The following ANO6 variants were observed in gnomAD, a reference collection of about 807,000 sequenced individuals.
ANO6 encodes the protein anoctamin 6.
ANO6 carries 106 observed loss-of-function variants against 117.5 expected under a neutral mutation model. The observed-to-expected ratio is 0.90, with a 90% CI of 0.77 to 1.06. The LOEUF is 1.06. ANO6 is among the 50% of genes least tolerant of loss of function. ANO6 has a pLI of 0.00. For missense variants in ANO6, 955 were observed against 1,121.1 expected, an observed-to-expected ratio of 0.85 and a Z score of 2.12; for synonymous variants, 367 against 385.1, an observed-to-expected ratio of 0.95 and a Z score of 0.55.
In ANO6 at chr12:45,311,618, A is replaced by G. The variant is rs139061323; in HGVS notation, c.150+9525A>G. ...GGTGGATGGCATTGCAAAATGTAGCATTAAGACCCATGAATAGAAGGTATA... is the reference window on the plus strand; with the variant it reads ...GGTGGATGGCATTGCAAAATGTAGCGTTAAGACCCATGAATAGAAGGTATA... On this transcript the variant is annotated intron_variant, in intron 2 of 19. Transcript: ENST00000320560. 2.4e-3 allele frequency among the ~76,000 whole-genome samples: 369 copies of G among 152,226 alleles called. 1 individual carries two copies. Among genetic ancestry groups the G allele is most frequent in the African/African-American group, 7.8e-3 (323 of 41,552 alleles).
intron 1 of ANO6, among the ~76,000 whole-genome samples, chr12:45,287,306 C>G (rs1938949817): frequency 6.6e-6 from 1 of 152,172 alleles, no homozygotes; most frequent in African/African-American, 2.4e-5. Flanking sequence ...AACCTGTGAG[C>G]TCCGGGGTTC....
intron 10 of ANO6, among the ~76,000 whole-genome samples, chr12:45,382,814 T>A (rs1942202244): frequency 6.6e-6 from 1 of 152,218 alleles, no homozygotes; most frequent in Non-Finnish European, 1.5e-5. Flanking sequence ...ATGCTGACAA[T>A]CATCTGAGCC....
intron 2 of ANO6, among the ~76,000 whole-genome samples, chr12:45,315,842 C>T (rs988331156): frequency 3.9e-5 from 6 of 152,026 alleles, no homozygotes; most frequent in African/African-American, 1.4e-4. Context: ...ATAACTGAGG[C>T]TCTCTCACCC....
At chr12:45,351,390 C>T (rs1941276707) in intron 7 of ANO6, among the ~76,000 whole-genome samples, 1 of 152,098 alleles carries the variant, frequency 6.6e-6, no homozygotes, top group African/African-American at 2.4e-5. Context: ...GTTTTTCTTC[C>T]CAAGGTACCC....
At chr12:45,383,560 G>C (rs2137562062) in intron 10 of ANO6, among the ~76,000 whole-genome samples, 1 of 129,472 alleles carries the variant, frequency 7.7e-6, no homozygotes, top group Middle Eastern at 3.7e-3. Context: ...AATGTAAAAG[G>C]ACTCCTTGAT....
chr12:45,285,973 C>T (rs73281431), intron 1 of ANO6, among the ~76,000 whole-genome samples: 2,424 of 152,186 alleles, frequency 0.016, 54 homozygotes, highest in African/African-American at 0.054. Context: ...ATAGCCATTG[C>T]GGTTGCTACC....
intron 10 of ANO6, among the ~76,000 whole-genome samples, chr12:45,380,738 C>G (rs945817721): frequency 1.3e-5 from 2 of 152,152 alleles, no homozygotes; most frequent in African/African-American, 4.8e-5. Context: ...CTGTGGGAGG[C>G]TGAGGCAGGT....
intron 1 of ANO6, among the ~76,000 whole-genome samples, chr12:45,262,453 C>T (rs1240915303): frequency 1.3e-5 from 2 of 150,422 alleles, no homozygotes; most frequent in Admixed American, 6.6e-5. Flanking sequence ...GACGGAGTTT[C>T]GCTCTTGTTG....
intron 1 of ANO6, among the ~76,000 whole-genome samples, chr12:45,218,390 C>CTTTT (rs76855973): frequency 0.01 from 1,145 of 110,058 alleles, 36 homozygotes; most frequent in African/African-American, 0.04. Context: ...CTTTCTTTCT[C>CTTTT]TTTTTTTTTT....
intron 9 of ANO6, among the ~76,000 whole-genome samples, chr12:45,368,298 G>A (rs2137508991): frequency 6.6e-6 from 1 of 152,234 alleles, no homozygotes; most frequent in East Asian, 1.9e-4. Flanking sequence ...TTGGATTTGG[G>A]ATACTCAACC....
At chr12:45,377,237 C>T (rs1248500224) in intron 9 of ANO6, among the ~76,000 whole-genome samples, 1 of 151,430 alleles carries the variant, frequency 6.6e-6, no homozygotes, top group Non-Finnish European at 1.5e-5. Context: ...TCACTTTTTC[C>T]ATTATCTTTA....
At chr12:45,241,681 T>A (rs1456647874) in intron 1 of ANO6, among the ~76,000 whole-genome samples, 1 of 152,206 alleles carries the variant, frequency 6.6e-6, no homozygotes, top group Non-Finnish European at 1.5e-5. Flanking sequence ...CTTCCCATCT[T>A]TGTGGTTTTA....
At chr12:45,374,419 A>G (rs1246260907) in intron 9 of ANO6, among the ~76,000 whole-genome samples, 3 of 96,308 alleles carry the variant, frequency 3.1e-5, no homozygotes, top group Admixed American at 2.5e-4. Flanking sequence ...ATTTTAGACC[A>G]ATATCCTTGA....
rs184035048 is a variant in ANO6, at chr12:45,249,791, C to T, written c.70+33400C>T. 1.4e-3 allele frequency among the ~76,000 whole-genome samples: 219 copies of T among 152,360 alleles called. 1 individual carries two copies. The highest frequency in any genetic ancestry group is 2.6e-3 in the Non-Finnish European group (176 of 68,036). On this transcript the variant is annotated intron_variant, in intron 1 of 19. Coordinates refer to ENST00000320560, the MANE Select transcript of ANO6 (RefSeq NM_001025356.3). Reference sequence around the variant, plus strand: ...GTGACCTCTAGTTACTTACAGTGCGCTAGCCCTGTGTATGCCAATACCTTG... The same window carrying T: ...GTGACCTCTAGTTACTTACAGTGCGTTAGCCCTGTGTATGCCAATACCTTG...
chr12:45,247,056 G>A (rs923783731), intron 1 of ANO6, among the ~76,000 whole-genome samples: 2 of 152,134 alleles, frequency 1.3e-5, no homozygotes, highest in Non-Finnish European at 2.9e-5. Context: ...CTCCCGAGTA[G>A]CTGGGACTAC....
chr12:45,254,279 C>T (rs568096131), intron 1 of ANO6, among the ~76,000 whole-genome samples: 154 of 152,210 alleles, frequency 1.0e-3, no homozygotes, highest in Non-Finnish European at 1.8e-3. Flanking sequence ...GGGAAGCTTA[C>T]TCCAGGATTC....
intron 9 of ANO6, among the ~76,000 whole-genome samples, chr12:45,369,057 T>A (rs1381446829): frequency 6.6e-6 from 1 of 152,216 alleles, no homozygotes; most frequent in Non-Finnish European, 1.5e-5. Flanking sequence ...GCAGGCACTT[T>A]ACTCAGATCC....
chr12:45,366,279 A>G (rs1411114674), intron 8 of ANO6, among the ~76,000 whole-genome samples: 1 of 151,920 alleles, frequency 6.6e-6, no homozygotes, highest in Non-Finnish European at 1.5e-5. Context: ...TCTTGAATGT[A>G]TCAATATTTT....
At chr12:45,343,445 C>A (rs1028472449) in intron 3 of ANO6, among the ~76,000 whole-genome samples, 11 of 152,084 alleles carry the variant, frequency 7.2e-5, no homozygotes, top group African/African-American at 2.4e-4. Flanking sequence ...TCTGGGTTGC[C>A]CTTTGTACAG....
Sources: gnomAD v4.1 joint callset for allele counts (sites outside exome capture counted in the v4.1 genomes callset) on GRCh38, gnomAD v4.1.1 for gene constraint, MANE v1.5 for transcripts, NCBI Gene and HGNC (gene_info 2026-07-23, HGNC 2026-07-21) for gene names.